The following EDA variants were observed in gnomAD, a reference collection of about 807,000 sequenced individuals.
EDA encodes ectodysplasin A, also known as ectodysplasin-A.
In EDA, 2 loss-of-function variants were observed where a neutral mutation model predicts 23.6. That is an observed-to-expected ratio of 0.08 (90% CI 0.03 to 0.27). The LOEUF (loss-of-function observed/expected upper bound fraction) is 0.27. Among genes scored for constraint, EDA ranks in the 10% least tolerant of loss-of-function variants. The pLI is 1.00. For missense variants in EDA, 229 were observed against 324.2 expected, an observed-to-expected ratio of 0.71 and a Z score of 2.26; for synonymous variants, 131 against 132.0, an observed-to-expected ratio of 0.99 and a Z score of 0.05.
intron 1 of EDA, among the ~76,000 whole-genome samples, chrX:69,690,424 A>G (rs1409663241): frequency 2.7e-5 from 3 of 111,302 alleles, no homozygotes; most frequent in African/African-American, 6.5e-5. Flanking sequence ...CCTTTATTCT[A>G]TTCATATGAT....
chrX:69,733,841 G>A (rs1469816208), intron 1 of EDA, among the ~76,000 whole-genome samples: 1 of 110,578 alleles, frequency 9.0e-6, no homozygotes, highest in Non-Finnish European at 1.9e-5. Context: ...TGGATTCCTA[G>A]GTATTTTATT....
At chrX:69,685,844 A>C (rs765331796) in intron 1 of EDA, among the ~76,000 whole-genome samples, 1 of 112,764 alleles carries the variant, frequency 8.9e-6, no homozygotes, top group East Asian at 2.8e-4. Context: ...GCAGCATTAC[A>C]AGTTCCTTAT....
chrX:69,869,923 A>G (rs908045784), intron 1 of EDA, among the ~76,000 whole-genome samples: 1 of 112,090 alleles, frequency 8.9e-6, no homozygotes, highest in African/African-American at 3.2e-5. Context: ...GGGCTATTCA[A>G]AGATGCAGGT....
At chrX:69,702,083 A>G (rs910950472) in intron 1 of EDA, among the ~76,000 whole-genome samples, 2 of 111,676 alleles carry the variant, frequency 1.8e-5, no homozygotes, top group Non-Finnish European at 3.8e-5. Flanking sequence ...TCTTCTGGAA[A>G]TGAACCAAGT....
chrX:69,686,510 T>C (rs1433456398), intron 1 of EDA, among the ~76,000 whole-genome samples: 1 of 111,429 alleles, frequency 9.0e-6, no homozygotes, highest in Non-Finnish European at 1.9e-5. Flanking sequence ...ATTCACAGAG[T>C]TGTGCAACTA....
intron 1 of EDA, among the ~76,000 whole-genome samples, chrX:69,765,726 T>G (rs2014450456): frequency 8.9e-6 from 1 of 111,772 alleles, no homozygotes; most frequent in Non-Finnish European, 1.9e-5. Flanking sequence ...GAGTACAATA[T>G]TAAAACCAGG....
Position 70,029,497 on chromosome X carries a change from T to C in EDA, c.707-7T>C. On this transcript the variant is annotated splice_region_variant and splice_polypyrimidine_tract_variant and intron_variant, in intron 4 of 7. Coordinates refer to ENST00000374552, the MANE Select transcript of EDA (RefSeq NM_001399.5). Reference sequence around the variant, plus strand: ...ATGCCCTCTGATTGTCCTATCCTATTTTGCAGGTGCTGCTGATAAAGCTGG... The same window carrying C: ...ATGCCCTCTGATTGTCCTATCCTATCTTGCAGGTGCTGCTGATAAAGCTGG... The C allele has an allele frequency of 1.7e-6, 2 of 1,211,929 alleles. No individual in the cohort carries two copies. The highest frequency in any genetic ancestry group is 2.2e-6 in the Non-Finnish European group (2 of 895,335).
At chrX:69,712,948 A>T (rs868078489) in intron 1 of EDA, among the ~76,000 whole-genome samples, 2 of 109,419 alleles carry the variant, frequency 1.8e-5, no homozygotes, top group Non-Finnish European at 3.8e-5. Flanking sequence ...CATTCTCAGC[A>T]AACTATTGCA....
intron 2 of EDA, among the ~76,000 whole-genome samples, chrX:70,002,204 C>T (rs1236570979): frequency 9.0e-6 from 1 of 110,758 alleles, no homozygotes; most frequent in Non-Finnish European, 1.9e-5. Flanking sequence ...AAAATGTGCT[C>T]ATGAAAGAGT....
At chrX:69,724,162 G>T (rs1298587172) in intron 1 of EDA, among the ~76,000 whole-genome samples, 1 of 111,688 alleles carries the variant, frequency 9.0e-6, no homozygotes, top group Non-Finnish European at 1.9e-5. Flanking sequence ...TACTAGGTTT[G>T]GTTTGTTTAT....
chrX:69,749,919 G>GTT lies in EDA; in HGVS notation c.396+133216_396+133217dup, dbSNP rs748583222. Reference sequence around the variant, plus strand: ...TTTTTAGAAACTTCCTCTCACTAAGGTTCTTTTTTTTTTTTTTTTTTTTTT... The same window carrying GTT: ...TTTTTAGAAACTTCCTCTCACTAAGGTTTTCTTTTTTTTTTTTTTTTTTTTTT... On this transcript the variant is annotated intron_variant, in intron 1 of 7. Transcript: ENST00000374552. Among the ~76,000 whole-genome samples, 10 of 48,570 alleles carry GTT rather than the reference G, an allele frequency of 2.1e-4. 2 individuals are homozygous for GTT. The East Asian group carries it at 5.3e-3, about 26-fold the overall frequency. The allele number at this position is 48,570 out of a possible 115,157, so 42.2% of individuals were successfully genotyped here.
chrX:69,993,319 T>C (rs1446048941), intron 2 of EDA, among the ~76,000 whole-genome samples: 2 of 111,308 alleles, frequency 1.8e-5, no homozygotes, highest in Non-Finnish European at 3.8e-5. Flanking sequence ...TAAACTAACT[T>C]TCTACTAGTA....
intron 1 of EDA, among the ~76,000 whole-genome samples, chrX:69,689,031 G>A (rs756778873): frequency 9.0e-5 from 10 of 110,696 alleles, no homozygotes; most frequent in South Asian, 7.7e-4. Context: ...GAATTCTCTC[G>A]GCACTCTTGT....
chrX:69,801,263 G>A (rs763598933), intron 1 of EDA, among the ~76,000 whole-genome samples: 4 of 110,332 alleles, frequency 3.6e-5, no homozygotes, highest in East Asian at 5.7e-4. Flanking sequence ...TCAGTGCAGC[G>A]TCAAACTCCT....
At chrX:69,987,263 T>C (rs2019508489) in intron 2 of EDA, among the ~76,000 whole-genome samples, 1 of 95,495 alleles carries the variant, frequency 1.0e-5, no homozygotes, top group Non-Finnish European at 2.0e-5. Flanking sequence ...ACCCTAAAAC[T>C]TAAAGTATAA....
chrX:69,821,320 A>G (rs1029378145), intron 1 of EDA, among the ~76,000 whole-genome samples: 2 of 110,091 alleles, frequency 1.8e-5, no homozygotes, highest in Non-Finnish European at 3.8e-5. Flanking sequence ...TTATGGGATG[A>G]TCTGTGCAGC....
At chrX:69,822,062 T>A (rs149912117) in intron 1 of EDA, among the ~76,000 whole-genome samples, 162 of 110,952 alleles carry the variant, frequency 1.5e-3, no homozygotes, top group African/African-American at 5.2e-3. Context: ...GCAGGATGAT[T>A]GCTTGAGGCC....
rs183070961 is a variant in EDA, at chrX:69,721,160, G to A, written c.396+104456G>A. Among the ~76,000 whole-genome samples, 17 of 111,355 alleles carry A rather than the reference G, an allele frequency of 1.5e-4. No individual in the cohort carries two copies. The East Asian group carries it at 3.1e-3, about 21-fold the overall frequency. ...ACTGCTCCTGCTGGTGGTGCTTGAC[G>A]GGGCAGAAGGGGTTTCCCAAGGCCT... On this transcript the variant is annotated intron_variant, in intron 1 of 7. Coordinates refer to ENST00000374552, the MANE Select transcript of EDA (RefSeq NM_001399.5).
intron 1 of EDA, among the ~76,000 whole-genome samples, chrX:69,630,368 C>T (rs1932526097): frequency 8.9e-6 from 1 of 112,048 alleles, no homozygotes; most frequent in African/African-American, 3.2e-5. Flanking sequence ...ATTTTCTTCT[C>T]AGCCCCTGAC....
Sources: gnomAD v4.1 joint callset for allele counts (sites outside exome capture counted in the v4.1 genomes callset) on GRCh38, gnomAD v4.1.1 for gene constraint, MANE v1.5 for transcripts, NCBI Gene and HGNC (gene_info 2026-07-23, HGNC 2026-07-21) for gene names.